The following HEATR4 variants were observed in gnomAD, a reference collection of about 807,000 sequenced individuals.
HEATR4 encodes the protein HEAT repeat containing 4, also known as HEAT repeat-containing protein 4.
HEATR4 carries 95 observed loss-of-function variants against 108.8 expected under a neutral mutation model. The ratio of observed to expected loss-of-function variants is 0.87; its 90% CI spans 0.74 to 1.04. HEATR4 has a LOEUF of 1.04. HEATR4 is among the 50% of genes least tolerant of loss of function. The pLI is 0.00. For synonymous variants in HEATR4, 443 were observed against 459.4 expected (o/e 0.96, Z 0.46); for missense variants, 1,152 against 1,253.8 (o/e 0.92, Z 1.23).
chr14:73,492,661 C>T lies in HEATR4; in HGVS notation c.2844+405G>A. 6.2e-7 allele frequency: 1 copy of T among 1,613,964 alleles called. No homozygotes were observed. The highest frequency in any genetic ancestry group is 1.7e-5 in the Admixed American group (1 of 60,010). ...CCCAGTTGACAACAGAAACAGAAGTCCATATGCTTCAGGATGGGATAGCTC... is the reference window on the plus strand; with the variant it reads ...CCCAGTTGACAACAGAAACAGAAGTTCATATGCTTCAGGATGGGATAGCTC... On this transcript the variant is annotated intron_variant, in intron 17 of 17. Coordinates refer to ENST00000553558, the MANE Select transcript of HEATR4 (RefSeq NM_001220484.1). This position sits in a 1 kb window ranked among gnomAD's most constrained non-coding sequence, Gnocchi z 4.9.
In HEATR4 at chr14:73,522,986, C is replaced by T. The variant is rs750707478; in HGVS notation, c.167G>A (p.Arg56His). 3.0e-5 allele frequency: 48 copies of T among 1,613,918 alleles called. No individual in the cohort carries two copies. Among genetic ancestry groups the T allele is most frequent in the South Asian group, 1.8e-4 (16 of 91,076 alleles). The change falls in exon 3 of 18, where the codon CGT (arginine) becomes CAT (histidine). Residue 56 changes from arginine (R) to histidine (H), a missense_variant. By Grantham distance (29) the Arg-to-His change is conservative (BLOSUM62 0). Coordinates refer to ENST00000553558, the MANE Select transcript of HEATR4 (RefSeq NM_001220484.1). ...CAAATATTGGCTCTTGCGGTGTAGA[C>T]GGTACTGTGAGCTGAAGAAGACCAT... is the stretch of plus-strand genomic sequence containing the variant. ...VPMVFFSSQY[R>H]LHRKSQYLKM...
chr14:73,489,098 T>C (rs902712508), intron 17 of HEATR4, among the ~76,000 whole-genome samples: 4 of 148,934 alleles, frequency 2.7e-5, no homozygotes, highest in African/African-American at 9.7e-5. Context: ...AACCAGGATT[T>C]GTCTGCCTCA....
the HEATR4 span, among the ~76,000 whole-genome samples, chr14:73,624,590 A>T: frequency 1.3e-5 from 2 of 152,186 alleles, no homozygotes; most frequent in East Asian, 3.8e-4. Context: ...TGGGTGACAG[A>T]GAAAGACTGC....
chr14:73,512,013 T>G lies in HEATR4; in HGVS notation c.1551A>C (p.Arg517Ser). 1 of 1,613,988 alleles carries G rather than the reference T, an allele frequency of 6.2e-7. No individual in the cohort carries two copies. ...TTCAGCTTTGGCTCTCACCTGAGTC[T>G]CTCTGGCTGGTGGCAATCCGGGGCC... ...LERPRIATSQ[R>S]DSDKTIQDLP... is the part of the protein sequence containing the mutation. Residue 517 changes from arginine (R) to serine (S), a missense_variant, in exon 7 of 18, where the codon AGA becomes AGC. Arg to Ser is a moderately radical substitution (Grantham distance 110, BLOSUM62 -1). Coordinates refer to ENST00000553558, the MANE Select transcript of HEATR4 (RefSeq NM_001220484.1).
chr14:73,513,271 C>G (rs555708597), intron 6 of HEATR4, among the ~76,000 whole-genome samples: 1 of 152,164 alleles, frequency 6.6e-6, no homozygotes, highest in Admixed American at 6.5e-5. Flanking sequence ...CCAGCCTGGC[C>G]AACATGGTGA....
chr14:73,563,717 CT>C (rs1260013069), upstream of HEATR4, among the ~76,000 whole-genome samples: 8 of 152,108 alleles, frequency 5.3e-5, no homozygotes, highest in African/African-American at 1.7e-4. Flanking sequence ...AATTCTAGCG[CT>C]TTGGGAGGCC....
chr14:73,558,693 A>G (rs1403605891), intron 1 of HEATR4, 58 bp downstream of exon 1: 1 of 151,448 alleles, frequency 6.6e-6, no homozygotes, highest in Non-Finnish European at 1.5e-5. Flanking sequence ...ACTGGGGCCC[A>G]GAGAGAAGAG....
At position 73,498,245 on chromosome 14, in the gene HEATR4, CG is replaced by C; in HGVS notation, c.2455del (p.Arg819ValfsTer4). On this transcript the variant is annotated frameshift_variant, in exon 14 of 18. Transcript: ENST00000553558. LOFTEE classifies it high-confidence loss of function. ...TTGAAGTTTCAGGGCTAGGATGCTA[CG>C]GCAAGCTTCCAGCCGTACACCTGGT... is the stretch of plus-strand genomic sequence containing the variant. ...ESPGVRLEAC[R>X]SILALKLQGD... 6.2e-7 allele frequency: 1 copy of C among 1,614,086 alleles called. No individual in the cohort carries two copies. The highest frequency in any genetic ancestry group is 8.5e-7 in the Non-Finnish European group (1 of 1,180,008).
At chr14:73,579,287 A>C in the HEATR4 span, among the ~76,000 whole-genome samples, 120 of 128,998 alleles carry the variant, frequency 9.3e-4, 1 homozygote, top group African/African-American at 3.4e-3. Flanking sequence ...AAAAAAAAAA[A>C]AAAAAAACGC....
rs527976074 is a variant in HEATR4 at position 73,534,581 on chromosome 14, C to T, written c.-151-4337G>A. ...GTGCATGCCTGTGGTCCCAGGTGCT[C>T]GGGAGGCTGAGGTGGGAGAACTGTC... On this transcript the variant is annotated intron_variant, in intron 1 of 17. Coordinates refer to ENST00000553558, the MANE Select transcript of HEATR4 (RefSeq NM_001220484.1). Among the ~76,000 whole-genome samples the T allele has an allele frequency of 1.2e-3, 135 of 108,996 alleles. 28 individuals are homozygous for T. Among genetic ancestry groups the T allele is most frequent in the African/African-American group, 3.9e-3 (131 of 33,386 alleles). The allele number at this position is 108,996 out of a possible 152,430, so 71.5% of individuals were successfully genotyped here. A position where few individuals can be genotyped will look rare whatever the true frequency, so the allele number is the denominator to read the frequency against.
At position 73,556,765 on chromosome 14, in the gene HEATR4, C is replaced by A. The variant is rs143319626; in HGVS notation, c.-152+1986G>T. 4.2e-3 allele frequency among the ~76,000 whole-genome samples: 478 copies of A among 114,386 alleles called. 144 individuals carry two copies. The highest frequency in any genetic ancestry group is 7.6e-3 in the Admixed American group (76 of 10,048). The allele number at this position is 114,386 out of a possible 152,430, so 75.0% of individuals were successfully genotyped here. On this transcript the variant is annotated intron_variant, in intron 1 of 17. Transcript: ENST00000553558. ...TCAAAATTAGAAACGTATGAAAGTT[C>A]TTTGCAAACTAAAATATATGTGTGA...
the HEATR4 span, among the ~76,000 whole-genome samples, chr14:73,566,602 C>G: frequency 6.6e-6 from 1 of 151,772 alleles, no homozygotes; most frequent in African/African-American, 2.4e-5. Flanking sequence ...TTGCCCGGGG[C>G]TGGCAGGGCC....
At chr14:73,486,804 AG>A (rs1885470121) in intron 17 of HEATR4, among the ~76,000 whole-genome samples, 1 of 152,246 alleles carries the variant, frequency 6.6e-6, no homozygotes, top group South Asian at 2.1e-4. Flanking sequence ...GACTAATTCA[AG>A]AATAACTATC....
At chr14:73,571,702 C>G in the HEATR4 span, 1 of 151,822 alleles carries the variant, frequency 6.6e-6, no homozygotes, top group Non-Finnish European at 1.5e-5. Flanking sequence ...CTCATCGCTG[C>G]CGGGGCACTG....
chr14:73,486,745 C>A (rs1293077627), intron 17 of HEATR4, among the ~76,000 whole-genome samples: 1 of 152,030 alleles, frequency 6.6e-6, no homozygotes, highest in Non-Finnish European at 1.5e-5. Context: ...ATCACCCTTC[C>A]TTCCCAGTAT....
At chr14:73,565,411 A>C in the HEATR4 span, among the ~76,000 whole-genome samples, 1 of 126,876 alleles carries the variant, frequency 7.9e-6, no homozygotes, top group Non-Finnish European at 1.7e-5. Flanking sequence ...TTTTCTGAGG[A>C]GTCTTGCTCA....
In HEATR4 at chr14:73,492,198, G is replaced by C. The variant is rs1242038982; in HGVS notation, c.2844+868C>G. 1.2e-6 allele frequency: 2 copies of C among 1,613,992 alleles called. No homozygotes were observed. Among genetic ancestry groups the C allele is most frequent in the Non-Finnish European group, 1.7e-6 (2 of 1,179,890 alleles). On this transcript the variant is annotated intron_variant, in intron 17 of 17. Coordinates refer to ENST00000553558, the MANE Select transcript of HEATR4 (RefSeq NM_001220484.1). This position sits in a 1 kb window ranked among gnomAD's most constrained non-coding sequence, Gnocchi z 4.9. ...GTGCTGCAGACCGTGCTGGAACCTG[G>C]AGATTTGCTGTATTTTCCTCGGGGC...
chr14:73,562,867 G>A (rs534947464), upstream of HEATR4, among the ~76,000 whole-genome samples: 23 of 152,028 alleles, frequency 1.5e-4, no homozygotes, highest in Non-Finnish European at 2.9e-4. Flanking sequence ...TACATGCACC[G>A]CTGAACACAA....
the HEATR4 span, chr14:73,595,409 C>T: frequency 8.7e-6 from 14 of 1,614,070 alleles, no homozygotes; most frequent in South Asian, 3.3e-5. Context: ...AGTCTCTGAA[C>T]GGTTACAGGC....
Sources: allele counts gnomAD v4.1 joint callset (sites outside exome capture counted in the v4.1 genomes callset), GRCh38; gene constraint gnomAD v4.1.1; non-coding constraint Gnocchi (gnomAD v3.1); transcripts MANE v1.5; gene names NCBI Gene and HGNC (gene_info 2026-07-23, HGNC 2026-07-21).